NRG3: variants seen among roughly 807,000 people sequenced by gnomAD.
NRG3 encodes pro-neuregulin-3, membrane-bound isoform.
In NRG3, 31 loss-of-function variants were observed where a neutral mutation model predicts 66.9. The ratio of observed to expected loss-of-function variants is 0.46; its 90% CI spans 0.35 to 0.63. NRG3 has a LOEUF of 0.63. Among genes scored for constraint, NRG3 ranks in the 20% least tolerant of loss-of-function variants. NRG3 has a pLI of 0.00. For missense variants in NRG3, 910 were observed against 878.9 expected, an observed-to-expected ratio of 1.04 and a Z score of -0.45; for synonymous variants, 393 against 359.4, an observed-to-expected ratio of 1.09 and a Z score of -1.06.
chr10:82,188,847 A>G (rs942908293), intron 1 of NRG3, among the ~76,000 whole-genome samples: 2 of 152,108 alleles, frequency 1.3e-5, no homozygotes, highest in African/African-American at 4.8e-5. Context: ...AGATAGAATG[A>G]GTAAGAGCTA....
chr10:82,248,912 T>C (rs1174105074), intron 1 of NRG3, among the ~76,000 whole-genome samples: 1 of 152,162 alleles, frequency 6.6e-6, no homozygotes, highest in African/African-American at 2.4e-5. Flanking sequence ...CAAGTCTCAG[T>C]ATAATAGTCA....
intron 2 of NRG3, among the ~76,000 whole-genome samples, chr10:82,433,762 T>C (rs1328243679): frequency 1.3e-5 from 2 of 152,178 alleles, no homozygotes; most frequent in African/African-American, 4.8e-5. Context: ...TGGTTGTAGA[T>C]GTGTGATGTT....
chr10:82,320,931 A>T (rs2081537186), intron 1 of NRG3, among the ~76,000 whole-genome samples: 1 of 152,142 alleles, frequency 6.6e-6, no homozygotes, highest in African/African-American at 2.4e-5. Flanking sequence ...TCACCTTTCC[A>T]GCTCCTCATC....
chr10:82,308,266 T>C (rs1476140897), intron 1 of NRG3, among the ~76,000 whole-genome samples: 1 of 152,132 alleles, frequency 6.6e-6, no homozygotes, highest in Non-Finnish European at 1.5e-5. Flanking sequence ...ATTGTATTTT[T>C]AGTTAAGAGG....
intron 1 of NRG3, among the ~76,000 whole-genome samples, chr10:82,280,083 C>G (rs2079053803): frequency 6.6e-6 from 1 of 151,970 alleles, no homozygotes; most frequent in Non-Finnish European, 1.5e-5. Flanking sequence ...AGGCAGTTAC[C>G]TAATTAAAAC....
At position 82,270,445 on chromosome 10, in the gene NRG3, C is replaced by T. The variant is rs1272732171; in HGVS notation, c.824-88294C>T. 3.3e-5 allele frequency among the ~76,000 whole-genome samples: 5 copies of T among 152,060 alleles called. No individual in the cohort carries two copies. The East Asian group carries it at 9.7e-4, about 29-fold the overall frequency. ...GGGACTTTCCTTGTACTGAGGGCACCTGGGCTGTCTATGCATTTCCTCTCA... is the reference window on the plus strand; with the variant it reads ...GGGACTTTCCTTGTACTGAGGGCACTTGGGCTGTCTATGCATTTCCTCTCA... On this transcript the variant is annotated intron_variant, in intron 1 of 8. Coordinates refer to ENST00000372141, the MANE Select transcript of NRG3 (RefSeq NM_001010848.4).
At chr10:82,086,966 G>A (rs1335286151) in intron 1 of NRG3, among the ~76,000 whole-genome samples, 1 of 152,126 alleles carries the variant, frequency 6.6e-6, no homozygotes, top group East Asian at 1.9e-4. Flanking sequence ...GTGAACAGCT[G>A]TATATATAAC....
intron 3 of NRG3, among the ~76,000 whole-genome samples, chr10:82,744,403 G>A (rs567527809): frequency 6.6e-6 from 1 of 152,282 alleles, no homozygotes; most frequent in East Asian, 1.9e-4. Context: ...GATAGAGGGT[G>A]CATTCTCTGT....
At chr10:82,255,198 A>C (rs1171730412) in intron 1 of NRG3, among the ~76,000 whole-genome samples, 1 of 152,146 alleles carries the variant, frequency 6.6e-6, no homozygotes, top group Non-Finnish European at 1.5e-5. Context: ...ACACCAGACA[A>C]ATTCGAATCA....
At chr10:82,851,336 C>T (rs951925972) in intron 3 of NRG3, among the ~76,000 whole-genome samples, 2 of 152,060 alleles carry the variant, frequency 1.3e-5, no homozygotes, top group African/African-American at 2.4e-5. Context: ...TGGGCAGATT[C>T]TCTGTGGTAT....
At chr10:82,566,788 T>TA (rs2045435813) in intron 2 of NRG3, among the ~76,000 whole-genome samples, 2 of 151,888 alleles carry the variant, frequency 1.3e-5, no homozygotes, top group Admixed American at 1.3e-4. Flanking sequence ...ATTTAATCAA[T>TA]AAAAAATTTT....
At chr10:82,293,352 C>A (rs928649536) in intron 1 of NRG3, among the ~76,000 whole-genome samples, 1 of 152,012 alleles carries the variant, frequency 6.6e-6, no homozygotes, top group Non-Finnish European at 1.5e-5. Flanking sequence ...TACTTGAAGA[C>A]CACAATTCTA....
chr10:82,718,757 T>A (rs1191243788), intron 2 of NRG3, among the ~76,000 whole-genome samples: 1 of 152,218 alleles, frequency 6.6e-6, no homozygotes, highest in East Asian at 1.9e-4. Flanking sequence ...ATGATGTAGA[T>A]TAATTCCAAG....
At chr10:82,940,558 C>A (rs900637525) in intron 4 of NRG3, among the ~76,000 whole-genome samples, 1 of 152,044 alleles carries the variant, frequency 6.6e-6, no homozygotes, top group African/African-American at 2.4e-5. Context: ...TTTCTTAGTC[C>A]ATCTGGGCTG....
At chr10:81,891,967 A>G (rs1843049488) in intron 1 of NRG3, among the ~76,000 whole-genome samples, 2 of 152,162 alleles carry the variant, frequency 1.3e-5, no homozygotes, top group South Asian at 2.1e-4. Context: ...CTCTGTCCAC[A>G]CACATATAAA....
intron 2 of NRG3, among the ~76,000 whole-genome samples, chr10:82,393,763 G>A (rs2086542079): frequency 6.6e-6 from 1 of 152,112 alleles, no homozygotes; most frequent in African/African-American, 2.4e-5. Flanking sequence ...TGGGCCCCTG[G>A]TCAGTTTTCA....
chr10:82,457,089 A>G (rs1250882817), intron 2 of NRG3, among the ~76,000 whole-genome samples: 1 of 152,134 alleles, frequency 6.6e-6, no homozygotes, highest in Non-Finnish European at 1.5e-5. Flanking sequence ...ATAATAAAAT[A>G]AAAACTTCCA....
intron 1 of NRG3, among the ~76,000 whole-genome samples, chr10:82,116,811 T>C (rs1245480722): frequency 6.6e-6 from 1 of 152,104 alleles, no homozygotes; most frequent in Non-Finnish European, 1.5e-5. Flanking sequence ...CCTGCCCGAT[T>C]TATAGAAGAA....
intron 1 of NRG3, among the ~76,000 whole-genome samples, chr10:82,099,691 C>T (rs1039919221): frequency 3.9e-5 from 6 of 152,070 alleles, no homozygotes; most frequent in Admixed American, 3.9e-4. Context: ...TGTCTCTAAG[C>T]TGGGCACTGT....
Sources: gnomAD v4.1 joint callset for allele counts (sites outside exome capture counted in the v4.1 genomes callset) on GRCh38, gnomAD v4.1.1 for gene constraint, MANE v1.5 for transcripts, NCBI Gene and HGNC (gene_info 2026-07-23, HGNC 2026-07-21) for gene names.